CFAP47: variants seen among roughly 807,000 people sequenced by gnomAD.
CFAP47 encodes the protein cilia and flagella associated protein 47, also known as cilia- and flagella-associated protein 47.
CFAP47 carries 29 observed loss-of-function variants against 148.1 expected under a neutral mutation model. That is an observed-to-expected ratio of 0.20 (90% CI 0.15 to 0.27). The LOEUF is 0.27. Among genes scored for constraint, CFAP47 ranks in the 10% least tolerant of loss-of-function variants. The pLI is 1.00. For synonymous variants in CFAP47, 664 were observed against 577.3 expected, an observed-to-expected ratio of 1.15 and a Z score of -2.15; for missense variants, 1,872 against 1,697.5, an observed-to-expected ratio of 1.10 and a Z score of -1.81.
chrX:36,188,437 T>C (rs1375555501), intron 40 of CFAP47, among the ~76,000 whole-genome samples, 183 bp from the exon 41 acceptor site: 2 of 112,040 alleles, frequency 1.8e-5, no homozygotes, highest in Non-Finnish European at 3.8e-5. Flanking sequence ...TTTGTATTTT[T>C]ATGTTTTTTA....
At chrX:36,138,495 A>G (rs767459938) in intron 35 of CFAP47, 31 bp downstream of exon 35, 15 of 1,110,536 alleles carry the variant, frequency 1.4e-5, no homozygotes, top group Non-Finnish European at 1.6e-5. Context: ...CATTCTACAA[A>G]CATTTTATAA....
intron 60 of CFAP47, among the ~76,000 whole-genome samples, chrX:36,356,109 G>A (rs191630624): frequency 1.8e-5 from 2 of 111,894 alleles, no homozygotes; most frequent in East Asian, 5.6e-4. Flanking sequence ...ATTTAGGAGA[G>A]CAATCTCTCT....
At chrX:36,309,003 T>C (rs782628435) in intron 55 of CFAP47, among the ~76,000 whole-genome samples, 5 of 111,687 alleles carry the variant, frequency 4.5e-5, no homozygotes, top group Non-Finnish European at 7.6e-5. Flanking sequence ...ACTTATATTT[T>C]ATGCAACCAG....
intron 22 of CFAP47, among the ~76,000 whole-genome samples, chrX:36,025,385 G>A (rs1312359065): frequency 9.0e-6 from 1 of 110,579 alleles, no homozygotes; most frequent in African/African-American, 3.3e-5. Context: ...TATAATCCTA[G>A]CACTTTGGGA....
In CFAP47 at chrX:36,185,056, A is replaced by G. The variant is rs781925983; in HGVS notation, c.6105-3564A>G. On this transcript the variant is annotated intron_variant, in intron 40 of 63. Transcript: ENST00000378653. ...AAGGGTCTTAGTCTGTTAGGGTGCT[A>G]TAAAAAAATACTATCGATTGAGGGG... 2.7e-5 allele frequency among the ~76,000 whole-genome samples: 3 copies of G among 111,686 alleles called. No homozygotes were observed. In the South Asian group the frequency reaches 1.1e-3, roughly 42 times the overall value.
chrX:36,279,382 A>T (rs1941053793), intron 49 of CFAP47, among the ~76,000 whole-genome samples: 1 of 112,400 alleles, frequency 8.9e-6, no homozygotes, highest in Non-Finnish European at 1.9e-5. Context: ...ACTCTCAAGT[A>T]AAAACTAAGA....
chrX:36,291,064 A>G (rs1386254338), intron 51 of CFAP47, among the ~76,000 whole-genome samples: 1 of 112,140 alleles, frequency 8.9e-6, no homozygotes, highest in African/African-American at 3.2e-5. Context: ...CCCAGTGTGC[A>G]GTGAGCTTAG....
At chrX:35,940,631 A>G (rs1338058953) in intron 2 of CFAP47, among the ~76,000 whole-genome samples, 1 of 111,006 alleles carries the variant, frequency 9.0e-6, no homozygotes, top group Admixed American at 9.6e-5. Context: ...CTTAACACTG[A>G]AGTAGACTCT....
At chrX:36,166,724 G>A (rs973343802) in intron 39 of CFAP47, among the ~76,000 whole-genome samples, 4 of 111,328 alleles carry the variant, frequency 3.6e-5, no homozygotes, top group Admixed American at 1.9e-4. Context: ...CTAGATATGT[G>A]TTCTATCTGC....
intron 45 of CFAP47, among the ~76,000 whole-genome samples, chrX:36,221,065 A>C (rs998472734): frequency 4.5e-5 from 5 of 111,955 alleles, no homozygotes; most frequent in Non-Finnish European, 7.5e-5. Context: ...TGGTAAAAGA[A>C]CAAGTAGAAG....
At chrX:36,274,997 A>G (rs782219934) in intron 49 of CFAP47, among the ~76,000 whole-genome samples, 9 of 111,442 alleles carry the variant, frequency 8.1e-5, no homozygotes, top group African/African-American at 2.9e-4. Flanking sequence ...TGTGTTTTGG[A>G]TGTTTCCTTC....
chrX:36,334,656 T>C (rs185031551), intron 57 of CFAP47, among the ~76,000 whole-genome samples: 3 of 110,251 alleles, frequency 2.7e-5, no homozygotes, highest in Non-Finnish European at 3.8e-5. Context: ...CTTAACACTG[T>C]ATCAAAGCAA....
intron 49 of CFAP47, among the ~76,000 whole-genome samples, chrX:36,264,075 A>G (rs1940861818): frequency 8.9e-6 from 1 of 111,762 alleles, no homozygotes; most frequent in African/African-American, 3.3e-5. Context: ...TAGGGCCTAG[A>G]ATGGGATCCT....
intron 22 of CFAP47, among the ~76,000 whole-genome samples, chrX:36,017,497 T>A (rs993347804): frequency 8.9e-6 from 1 of 112,336 alleles, no homozygotes; most frequent in African/African-American, 3.2e-5. Context: ...CAATATTTCC[T>A]TGTAGAAGTT....
chrX:36,376,927 A>G (rs6527565), intron 62 of CFAP47, among the ~76,000 whole-genome samples: 33,930 of 108,649 alleles, frequency 0.31, 6,744 homozygotes, highest in African/African-American at 0.73. Context: ...TTCTAGCTTC[A>G]TCCGTGTCCC....
intron 49 of CFAP47, among the ~76,000 whole-genome samples, chrX:36,276,645 ATG>A (rs1439954088): frequency 8.9e-6 from 1 of 111,881 alleles, no homozygotes; most frequent in Admixed American, 9.5e-5. Flanking sequence ...TTGGTAATTT[ATG>A]TTGCACATTC....
intron 48 of CFAP47, among the ~76,000 whole-genome samples, chrX:36,245,718 A>G (rs1486289125): frequency 8.9e-6 from 1 of 111,958 alleles, no homozygotes; most frequent in East Asian, 2.8e-4. Flanking sequence ...GCAAAAACAA[A>G]CACATAGACC....
chrX:36,022,125 T>G (rs1293884227), intron 22 of CFAP47: 2 of 111,664 alleles, frequency 1.8e-5, no homozygotes, highest in African/African-American at 6.5e-5. Context: ...ATTTGCTTTC[T>G]GATTGAAGTA....
intron 33 of CFAP47, among the ~76,000 whole-genome samples, chrX:36,109,845 A>C (rs1938526876): frequency 9.0e-6 from 1 of 111,550 alleles, no homozygotes; most frequent in Non-Finnish European, 1.9e-5. Context: ...CTTTATTTGC[A>C]TTTCTCTAAT....
Sources: allele counts gnomAD v4.1 joint callset (sites outside exome capture counted in the v4.1 genomes callset), GRCh38; gene constraint gnomAD v4.1.1; transcripts MANE v1.5; gene names NCBI Gene and HGNC (gene_info 2026-07-23, HGNC 2026-07-21).